The following ZMIZ1 variants were observed in gnomAD, a reference collection of about 807,000 sequenced individuals.
The protein encoded by ZMIZ1 is zinc finger MIZ domain-containing protein 1.
A neutral mutation model predicts 113.9 loss-of-function variants in ZMIZ1; 17 were observed. That is an observed-to-expected ratio of 0.15 (90% CI 0.10 to 0.22). The LOEUF is 0.22. ZMIZ1 is among the 10% of genes least tolerant of loss of function. ZMIZ1 has a pLI of 1.00. For synonymous variants in ZMIZ1, 607 were observed against 603.1 expected, an observed-to-expected ratio of 1.01 and a Z score of -0.09; for missense variants, 1,059 against 1,477.8, an observed-to-expected ratio of 0.72 and a Z score of 4.65.
At chr10:79,195,474 C>T (rs912996506) in intron 4 of ZMIZ1, among the ~76,000 whole-genome samples, 1 of 152,260 alleles carries the variant, frequency 6.6e-6, no homozygotes, top group Non-Finnish European at 1.5e-5. Context: ...CGACAGTGAT[C>T]TGTTGGGCGG....
intron 1 of ZMIZ1, among the ~76,000 whole-genome samples, chr10:79,092,813 G>T (rs1391592653): frequency 6.6e-6 from 1 of 152,172 alleles, no homozygotes; most frequent in Non-Finnish European, 1.5e-5. Flanking sequence ...GACACCAGCT[G>T]GCAGAGGGGT....
At chr10:79,092,051 C>A (rs766589625) in intron 1 of ZMIZ1, among the ~76,000 whole-genome samples, 3 of 152,076 alleles carry the variant, frequency 2.0e-5, no homozygotes, top group Non-Finnish European at 2.9e-5. Flanking sequence ...TCCCACCAGC[C>A]CCGCTCCATG....
chr10:79,219,451 T>C (rs1223662417), intron 7 of ZMIZ1, among the ~76,000 whole-genome samples: 1 of 152,152 alleles, frequency 6.6e-6, no homozygotes, highest in African/African-American at 2.4e-5. Flanking sequence ...TCATAAGTAA[T>C]AGGCTGGAAC....
intron 7 of ZMIZ1, among the ~76,000 whole-genome samples, chr10:79,242,863 A>G (rs1359562765): frequency 6.6e-6 from 1 of 151,986 alleles, no homozygotes; most frequent in African/African-American, 2.4e-5. Context: ...AGCGGCGTGC[A>G]CCAGCACCAC....
chr10:79,288,298 C>T (rs1296975445), intron 8 of ZMIZ1, among the ~76,000 whole-genome samples: 1 of 152,212 alleles, frequency 6.6e-6, no homozygotes, highest in Non-Finnish European at 1.5e-5. Flanking sequence ...CTGGGCTGGG[C>T]TCCTTGCATC....
intron 3 of ZMIZ1, among the ~76,000 whole-genome samples, chr10:79,152,201 C>T (rs1286587615): frequency 6.6e-6 from 1 of 152,188 alleles, no homozygotes. Context: ...TCCGAGGCAG[C>T]TTTGAAAGAT....
intron 4 of ZMIZ1, among the ~76,000 whole-genome samples, chr10:79,200,466 T>C (rs1466477997): frequency 2.0e-5 from 3 of 152,130 alleles, no homozygotes; most frequent in Non-Finnish European, 4.4e-5. Context: ...CAGAGGGAAG[T>C]CCCATTCATG....
intron 3 of ZMIZ1, among the ~76,000 whole-genome samples, chr10:79,153,306 G>A (rs1003611850): frequency 3.3e-5 from 5 of 152,218 alleles, no homozygotes; most frequent in African/African-American, 9.6e-5. Context: ...CCTCCATCCC[G>A]TGGTCCTCCT....
intron 4 of ZMIZ1, among the ~76,000 whole-genome samples, chr10:79,175,632 A>AT (rs1589379786): frequency 1.7e-5 from 1 of 59,874 alleles, no homozygotes; most frequent in East Asian, 1.8e-3. Context: ...GTGTGTGTGG[A>AT]GGTTTTTACA....
chr10:79,242,539 G>GCCCTCCCCTC (rs543878844), intron 7 of ZMIZ1, among the ~76,000 whole-genome samples: 6 of 131,174 alleles, frequency 4.6e-5, no homozygotes, highest in Admixed American at 2.2e-4. Flanking sequence ...GCCTAGCCCC[G>GCCCTCCCCTC]CCCTCCCCTC....
intron 5 of ZMIZ1, among the ~76,000 whole-genome samples, chr10:79,204,665 A>G (rs1848238486): frequency 6.6e-6 from 1 of 152,238 alleles, no homozygotes; most frequent in Non-Finnish European, 1.5e-5. Flanking sequence ...CATAGCATCC[A>G]GCTCAGAGTG....
chr10:79,087,152 A>G (rs548387252), intron 1 of ZMIZ1, among the ~76,000 whole-genome samples: 16 of 152,392 alleles, frequency 1.0e-4, no homozygotes, highest in South Asian at 2.1e-4. Context: ...CTCCTAGGAC[A>G]GCTGTGTGTG....
At chr10:79,089,529 G>A (rs934727770) in intron 1 of ZMIZ1, among the ~76,000 whole-genome samples, 5 of 152,186 alleles carry the variant, frequency 3.3e-5, no homozygotes, top group East Asian at 1.9e-4. Context: ...CTGAAAACCC[G>A]GAGGGGTACT....
At chr10:79,196,635 A>C (rs1847844833) in intron 4 of ZMIZ1, among the ~76,000 whole-genome samples, 1 of 152,164 alleles carries the variant, frequency 6.6e-6, no homozygotes, top group African/African-American at 2.4e-5. Context: ...TAACTTCTTA[A>C]AGCAGGACCT....
chr10:79,293,557 T>G lies in ZMIZ1; in HGVS notation c.1134T>G (p.Phe378Leu). ...CCCGGCCGCCCGGCATCAGCCCCTTTGGCACACACGGGCAGCGGATGCCCC... is the reference window on the plus strand; with the variant it reads ...CCCGGCCGCCCGGCATCAGCCCCTTGGGCACACACGGGCAGCGGATGCCCC... ...NQPRPPGISPFGTHGQRMPQQ... is the reference protein window; with the variant it reads ...NQPRPPGISPLGTHGQRMPQQ... Residue 378 changes from phenylalanine to leucine, a missense_variant, in exon 12 of 25, where the codon TTT (phenylalanine) becomes TTG (leucine). Around this residue, in one of 6 missense-constraint regions of ZMIZ1, gnomAD observed 239 missense variants for 247.5 expected, o/e 0.97. Transcript: ENST00000334512. The G allele has an allele frequency of 6.2e-7, 1 of 1,612,938 alleles. No homozygotes were observed. Among genetic ancestry groups the G allele is most frequent in the Non-Finnish European group, 8.5e-7 (1 of 1,179,924 alleles).
chr10:79,177,345 C>T (rs376162997), intron 4 of ZMIZ1, among the ~76,000 whole-genome samples: 9 of 152,348 alleles, frequency 5.9e-5, no homozygotes, highest in African/African-American at 1.9e-4. Flanking sequence ...CCAGGCTCCT[C>T]GGCCCTGTCT....
intron 8 of ZMIZ1, among the ~76,000 whole-genome samples, chr10:79,289,078 C>A (rs1014403381): frequency 6.6e-6 from 1 of 152,092 alleles, no homozygotes; most frequent in Non-Finnish European, 1.5e-5. Context: ...TTGGACTCTG[C>A]CTTATAAATG....
intron 4 of ZMIZ1, among the ~76,000 whole-genome samples, chr10:79,188,472 C>CCATGGCTTTCATGAAGCTGGA (rs1295411065): frequency 4.6e-5 from 7 of 152,218 alleles, no homozygotes; most frequent in African/African-American, 1.2e-4. Context: ...TCCAAGGTGG[C>CCATGGCTTTCATGAAGCTGGA]CATGGCTTTC....
rs763408424 is a variant in ZMIZ1 at position 79,292,172 on chromosome 10, C to T, written c.773C>T (p.Pro258Leu). The change falls in exon 11 of 25, where the codon CCT becomes CTT. Residue 258 changes from proline (P) to leucine (L), a missense_variant. Transcript: ENST00000334512. ...TCCCCCTGCAGTTACCCTGGGGGTC[C>T]TAACGCCCCCGCAGGCATGGGCATC... ...GGFGASYPGG[P>L]NAPAGMGIPP... The T allele has an allele frequency of 3.7e-6, 6 of 1,609,516 alleles. No homozygotes were observed. Among genetic ancestry groups the T allele is most frequent in the Non-Finnish European group, 5.1e-6 (6 of 1,177,936 alleles).
Sources: gnomAD v4.1 joint callset for allele counts (sites outside exome capture counted in the v4.1 genomes callset) on GRCh38, gnomAD v4.1.1 for gene constraint, gnomAD v4.1.1 regional missense constraint, MANE v1.5 for transcripts, NCBI Gene and HGNC (gene_info 2026-07-23, HGNC 2026-07-21) for gene names.